The following PCDH9 variants were observed in gnomAD, a reference collection of about 807,000 sequenced individuals.
PCDH9 encodes protocadherin-9.
In PCDH9, 24 loss-of-function variants were observed where a neutral mutation model predicts 70.6. The ratio of observed to expected loss-of-function variants is 0.34; its 90% CI spans 0.25 to 0.48. The LOEUF (loss-of-function observed/expected upper bound fraction) is 0.48, where lower values mean the gene tolerates loss of function less well. Ranked by LOEUF, PCDH9 falls within the 20% of genes least tolerant of loss-of-function variation. PCDH9 has a pLI of 0.99. For synonymous variants in PCDH9, 562 were observed against 558.5 expected (o/e 1.01, Z -0.09); for missense variants, 1,281 against 1,503.6 (o/e 0.85, Z 2.45).
chr13:66,656,749 TAGGGGGATATTTAC>T (rs2077936179), intron 3 of PCDH9, among the ~76,000 whole-genome samples: 1 of 152,108 alleles, frequency 6.6e-6, no homozygotes, highest in Admixed American at 6.6e-5. Context: ...TTCTGACAAG[TAGGGGGATATTTAC>T]AAAATTCCAA....
chr13:66,415,276 A>G (rs1957442723), intron 4 of PCDH9, among the ~76,000 whole-genome samples: 1 of 152,184 alleles, frequency 6.6e-6, no homozygotes, highest in Admixed American at 6.5e-5. Context: ...TCAAAAGAAA[A>G]TAGCCGTGCT....
At chr13:67,053,838 G>A (rs1167211880) in intron 2 of PCDH9, among the ~76,000 whole-genome samples, 2 of 152,140 alleles carry the variant, frequency 1.3e-5, no homozygotes, top group Non-Finnish European at 2.9e-5. Flanking sequence ...AGCATTTAAT[G>A]AGCATTTACT....
chr13:67,217,857 A>G (rs1006092173), intron 2 of PCDH9: 1 of 152,092 alleles, frequency 6.6e-6, no homozygotes, highest in African/African-American at 2.4e-5. Context: ...AGATACCACA[A>G]GGAAGTACAA....
At chr13:67,092,698 C>T (rs1470937244) in intron 2 of PCDH9, among the ~76,000 whole-genome samples, 1 of 152,198 alleles carries the variant, frequency 6.6e-6, no homozygotes, top group Admixed American at 6.5e-5. Context: ...CATGATTTCT[C>T]CCCTATGTTA....
At chr13:67,118,643 C>T (rs74363210) in intron 2 of PCDH9, among the ~76,000 whole-genome samples, 20,982 of 152,068 alleles carry the variant, frequency 0.14, 1,640 homozygotes, top group Non-Finnish European at 0.17. Context: ...TACACATACA[C>T]CTTTAAATTA....
Position 67,006,420 on chromosome 13 carries a change from T to A in PCDH9, c.3037-102815A>T, listed in dbSNP as rs540782990. Among the ~76,000 whole-genome samples the A allele has an allele frequency of 3.3e-5, 5 of 152,304 alleles. No homozygotes were observed. The East Asian group carries it at 9.6e-4, about 29-fold the overall frequency. ...CATTGGTTCTGAATCTTGGCTGAAA[T>A]TATCAGAATTACCCGAATAATGTAT... On this transcript the variant is annotated intron_variant, in intron 2 of 4. Coordinates refer to ENST00000377865, the MANE Select transcript of PCDH9 (RefSeq NM_203487.3).
intron 4 of PCDH9, among the ~76,000 whole-genome samples, chr13:66,345,113 T>C (rs1956192954): frequency 6.6e-6 from 1 of 152,146 alleles, no homozygotes; most frequent in Admixed American, 6.5e-5. Flanking sequence ...CTGAGATGTA[T>C]AATTCGGGTA....
chr13:66,781,380 T>G (rs907394823), intron 3 of PCDH9, among the ~76,000 whole-genome samples: 1 of 152,186 alleles, frequency 6.6e-6, no homozygotes, highest in African/African-American at 2.4e-5. Flanking sequence ...GCTGTACAGA[T>G]GGGTTTATTT....
chr13:67,036,147 G>C (rs2085004718), intron 2 of PCDH9, among the ~76,000 whole-genome samples: 1 of 152,080 alleles, frequency 6.6e-6, no homozygotes, highest in Non-Finnish European at 1.5e-5. Flanking sequence ...AAAACATAAA[G>C]TGCCACATCT....
chr13:66,604,174 TC>T (rs1208230331), intron 4 of PCDH9, among the ~76,000 whole-genome samples: 1 of 152,090 alleles, frequency 6.6e-6, no homozygotes, highest in African/African-American at 2.4e-5. Flanking sequence ...TCTTATGCTT[TC>T]TTTGACTTTG....
At chr13:66,731,741 C>A (rs1226244354) in intron 3 of PCDH9, among the ~76,000 whole-genome samples, 2 of 151,994 alleles carry the variant, frequency 1.3e-5, no homozygotes, top group Admixed American at 6.6e-5. Flanking sequence ...AATACCATAC[C>A]TCAAACCAAG....
At chr13:66,497,882 G>T (rs1167501440) in intron 4 of PCDH9, among the ~76,000 whole-genome samples, 1 of 141,472 alleles carries the variant, frequency 7.1e-6, no homozygotes, top group Non-Finnish European at 1.5e-5. Flanking sequence ...ATAGTGGTGT[G>T]ATCTTGGCTG....
chr13:67,208,878 A>T (rs1713287999), intron 2 of PCDH9: 1 of 152,188 alleles, frequency 6.6e-6, no homozygotes, highest in Admixed American at 6.5e-5. Flanking sequence ...TGTGATGTTG[A>T]CATTGCCACC....
intron 2 of PCDH9, among the ~76,000 whole-genome samples, chr13:67,048,842 TCTA>T (rs1384891742): frequency 6.6e-6 from 1 of 152,168 alleles, no homozygotes; most frequent in African/African-American, 2.4e-5. Flanking sequence ...TAGAATTAAA[TCTA>T]CTGCTGGGGT....
chr13:66,450,781 C>G (rs551885048), intron 4 of PCDH9, among the ~76,000 whole-genome samples: 1 of 152,076 alleles, frequency 6.6e-6, no homozygotes. Context: ...TTTGGGAGGC[C>G]GAGGCGGGCA....
At chr13:67,170,352 G>T in intron 2 of PCDH9, among the ~76,000 whole-genome samples, 1 of 152,132 alleles carries the variant, frequency 6.6e-6, no homozygotes, top group East Asian at 1.9e-4. Context: ...CTAACACTGA[G>T]AAATACATTT....
chr13:66,843,630 G>A (rs562302915), intron 3 of PCDH9, among the ~76,000 whole-genome samples: 2 of 152,164 alleles, frequency 1.3e-5, no homozygotes, highest in Non-Finnish European at 2.9e-5. Flanking sequence ...ACTAATATTT[G>A]TTCAGGGATG....
intron 3 of PCDH9, among the ~76,000 whole-genome samples, chr13:66,897,799 T>C (rs960245392): frequency 1.4e-4 from 22 of 152,110 alleles, no homozygotes; most frequent in African/African-American, 2.2e-4. Flanking sequence ...TTTATCTCTA[T>C]ATAACACACA....
At chr13:67,055,905 C>T (rs2085410602) in intron 2 of PCDH9, among the ~76,000 whole-genome samples, 1 of 152,112 alleles carries the variant, frequency 6.6e-6, no homozygotes, top group African/African-American at 2.4e-5. Flanking sequence ...ATGATACCAG[C>T]ACTTTGGGAG....
Sources: allele counts gnomAD v4.1 joint callset (sites outside exome capture counted in the v4.1 genomes callset), GRCh38; gene constraint gnomAD v4.1.1; transcripts MANE v1.5; gene names NCBI Gene and HGNC (gene_info 2026-07-23, HGNC 2026-07-21).